Variants in PCSK6 observed in about 807,000 individuals in gnomAD.
PCSK6 encodes proprotein convertase subtilisin/kexin type 6, also known as paired basic amino acid cleaving enzyme 4.
A neutral mutation model predicts 123.3 loss-of-function variants in PCSK6; 85 were observed. The ratio of observed to expected loss-of-function variants is 0.69; its 90% confidence interval spans 0.58 to 0.83. The LOEUF (loss-of-function observed/expected upper bound fraction) is 0.83, where lower values mean the gene tolerates loss of function less well. Ranked by LOEUF, PCSK6 falls within the 40% of genes least tolerant of loss-of-function variation. The probability of loss-of-function intolerance (pLI) is 0.00; values close to 1 mark genes in which losing one functional copy is unlikely to be tolerated. For synonymous variants in PCSK6, 508 were observed against 516.0 expected, an observed-to-expected ratio of 0.98 and a Z score of 0.21; for missense variants, 1,191 against 1,282.3, an observed-to-expected ratio of 0.93 and a Z score of 1.09.
chr15:101,359,340 CT>C (rs1419096151), intron 13 of PCSK6, among the ~76,000 whole-genome samples: 1 of 152,218 alleles, frequency 6.6e-6, no homozygotes, highest in Non-Finnish European at 1.5e-5. Context: ...GATCCAGTTT[CT>C]ACCCACGCTG....
intron 13 of PCSK6, among the ~76,000 whole-genome samples, chr15:101,362,245 CAT>C (rs2041252440): frequency 1.3e-5 from 2 of 152,182 alleles, no homozygotes; most frequent in Admixed American, 6.5e-5. Context: ...CATGAGCCAC[CAT>C]GCCCAGCCCA....
chr15:101,361,544 G>A (rs546098551), intron 13 of PCSK6, among the ~76,000 whole-genome samples: 3 of 152,266 alleles, frequency 2.0e-5, no homozygotes, highest in Non-Finnish European at 2.9e-5. Context: ...GGAGCAGCAC[G>A]TGCCAAGGCC....
intron 6 of PCSK6, among the ~76,000 whole-genome samples, chr15:101,406,004 A>G (rs893445891): frequency 6.6e-6 from 1 of 152,152 alleles, no homozygotes; most frequent in Admixed American, 6.5e-5. Context: ...CGGCCTCCCA[A>G]AGTGCTGGGA....
chr15:101,476,292 G>T lies in PCSK6; in HGVS notation c.297+13082C>A, dbSNP rs993269623. Among the ~76,000 whole-genome samples, 15 of 152,222 alleles carry T rather than the reference G, an allele frequency of 9.9e-5. 1 individual carries two copies. Among genetic ancestry groups the T allele is most frequent in the Admixed American group, 7.8e-4 (12 of 15,290 alleles). Reference sequence around the variant, plus strand: ...TTGTTTTGTTCTTATGGATCCTACAGAAATTCTCACAAGTGCAGAGTCATG... The same window carrying T: ...TTGTTTTGTTCTTATGGATCCTACATAAATTCTCACAAGTGCAGAGTCATG... On this transcript the variant is annotated intron_variant, in intron 1 of 21. Transcript: ENST00000611716.
Position 101,370,485 on chromosome 15 carries a change from A to G in PCSK6, c.1571T>C (p.Leu524Pro), listed in dbSNP as rs1186861190. The change falls in exon 12 of 22, where the codon CTG becomes CCG. Residue 524 changes from leucine (L) to proline (P), a missense_variant. Physicochemically the swap from Leu to Pro is moderately conservative, Grantham distance 98 (BLOSUM62 -3). This residue lies in a region of PCSK6 where 630 missense variants were observed against 631.4 expected (regional missense o/e 1.00). Transcript: ENST00000611716. ...PLVQVLRTTALTSACAEHSDQ... is the reference protein window; with the variant it reads ...PLVQVLRTTAPTSACAEHSDQ... Reference sequence around the variant, plus strand: ...CGAGTGCTCCGCGCAGGCGCTGGTCAGGGCCGTAGTCCGCAGCACCTGCAC... The same window carrying G: ...CGAGTGCTCCGCGCAGGCGCTGGTCGGGGCCGTAGTCCGCAGCACCTGCAC... 1.0e-5 allele frequency: 16 copies of G among 1,541,364 alleles called. No individual in the cohort carries two copies. The highest frequency in any genetic ancestry group is 1.4e-5 in the Non-Finnish European group (16 of 1,141,120).
At chr15:101,326,321 G>GAT in intron 16 of PCSK6, 56 bp downstream of exon 16, 2 of 1,378,624 alleles carry the variant, frequency 1.5e-6, no homozygotes, top group Non-Finnish European at 2.0e-6. Flanking sequence ...AGGGGCTAAG[G>GAT]ATACAACTGG....
intron 11 of PCSK6, among the ~76,000 whole-genome samples, chr15:101,372,010 CACTCCCCAGACCAAGCAG>C (rs1044746967): frequency 1.3e-5 from 2 of 152,224 alleles, no homozygotes; most frequent in South Asian, 2.1e-4. Flanking sequence ...TTTTCTGACA[CACTCCCCAGACCAAGCAG>C]ACTCCCCAGA....
intron 7 of PCSK6, among the ~76,000 whole-genome samples, chr15:101,397,054 G>C (rs938269833): frequency 6.6e-6 from 1 of 152,270 alleles, no homozygotes; most frequent in Admixed American, 6.5e-5. Flanking sequence ...GTGCAGGCAG[G>C]TGCAGCTGGC....
chr15:101,489,191 C>G (rs1237364605), intron 1 of PCSK6, among the ~76,000 whole-genome samples, 183 bp downstream of exon 1: 1 of 73,756 alleles, frequency 1.4e-5, no homozygotes, highest in African/African-American at 4.5e-5. Flanking sequence ...CCCGCGCGCG[C>G]CCCCCCGGGC....
At chr15:101,489,343 G>A (rs1302759966) in intron 1 of PCSK6, 31 bp downstream of exon 1, 34 of 1,126,662 alleles carry the variant, frequency 3.0e-5, no homozygotes, top group Admixed American at 5.4e-5. Context: ...CGCCGGGAAA[G>A]TTTTGGGCGC....
At chr15:101,383,220 A>C (rs566018375) in intron 10 of PCSK6, among the ~76,000 whole-genome samples, 60 of 152,230 alleles carry the variant, frequency 3.9e-4, no homozygotes, top group African/African-American at 1.3e-3. Context: ...CAGCCTGGGC[A>C]ACACGGTGAA....
intron 4 of PCSK6, among the ~76,000 whole-genome samples, chr15:101,430,272 CATTA>C (rs1420407132): frequency 7.8e-5 from 10 of 127,746 alleles, no homozygotes; most frequent in Non-Finnish European, 1.5e-4. Flanking sequence ...GGCTCAGTGG[CATTA>C]ATTCACAGTG....
chr15:101,350,390 A>G (rs896314211), intron 13 of PCSK6, among the ~76,000 whole-genome samples: 2 of 152,188 alleles, frequency 1.3e-5, no homozygotes, highest in Non-Finnish European at 2.9e-5. Context: ...GCACTCTGTG[A>G]TTATCTAACC....
chr15:101,472,590 G>A (rs1490345435), intron 1 of PCSK6, among the ~76,000 whole-genome samples: 1 of 152,228 alleles, frequency 6.6e-6, no homozygotes, highest in African/African-American at 2.4e-5. Flanking sequence ...GTGGCGCCTG[G>A]TCACTGAGAC....
intron 2 of PCSK6, among the ~76,000 whole-genome samples, chr15:101,436,064 T>C (rs1466172836): frequency 2.6e-5 from 4 of 152,114 alleles, no homozygotes; most frequent in African/African-American, 9.7e-5. Flanking sequence ...TGAGCCAGTG[T>C]CACCAAAGAG....
intron 17 of PCSK6, 85 bp downstream of exon 17, chr15:101,324,764 TG>T (rs149902202): frequency 0.059 from 66,414 of 1,129,376 alleles, 2,519 homozygotes; most frequent in Non-Finnish European, 0.071. Flanking sequence ...AGCAGAAGGC[TG>T]GGAAATTCTC....
chr15:101,436,988 C>T (rs2056619847), intron 2 of PCSK6, among the ~76,000 whole-genome samples: 1 of 152,206 alleles, frequency 6.6e-6, no homozygotes, highest in African/African-American at 2.4e-5. Context: ...TCCCACAGTC[C>T]CTCAAGGAGT....
chr15:101,370,003 C>T (rs1240273941), intron 12 of PCSK6, among the ~76,000 whole-genome samples: 1 of 152,226 alleles, frequency 6.6e-6, no homozygotes, highest in Non-Finnish European at 1.5e-5. Context: ...ACCTTTAATG[C>T]ACTTCTAAGC....
At chr15:101,436,593 C>T (rs2056608612) in intron 2 of PCSK6, among the ~76,000 whole-genome samples, 1 of 152,336 alleles carries the variant, frequency 6.6e-6, no homozygotes, top group Admixed American at 6.5e-5. Context: ...CACCAAGCTC[C>T]AAAGCCTCCT....
Sources: gnomAD v4.1 joint callset for allele counts (sites outside exome capture counted in the v4.1 genomes callset) on GRCh38, gnomAD v4.1.1 for gene constraint, gnomAD v4.1.1 regional missense constraint, MANE v1.5 for transcripts, NCBI Gene and HGNC (gene_info 2026-07-23, HGNC 2026-07-21) for gene names.